PTPRK: variants seen among roughly 807,000 people sequenced by gnomAD.
PTPRK encodes the protein receptor-type tyrosine-protein phosphatase kappa.
Under a neutral mutation model 178.0 loss-of-function variants are expected in PTPRK, and 75 were observed. The observed-to-expected ratio is 0.42, with a 90% CI of 0.35 to 0.51. The LOEUF (loss-of-function observed/expected upper bound fraction) is 0.51. Ranked by LOEUF, PTPRK falls within the 20% of genes least tolerant of loss-of-function variation. The probability of loss-of-function intolerance (pLI) is 0.02; values close to 1 mark genes in which losing one functional copy is unlikely to be tolerated. For missense variants in PTPRK, 1,441 were observed against 1,797.8 expected (o/e 0.80, Z 3.59); for synonymous variants, 637 against 620.6 (o/e 1.03, Z -0.39).
intron 14 of PTPRK, among the ~76,000 whole-genome samples, chr6:128,005,606 T>A (rs1326753596): frequency 8.1e-5 from 2 of 24,688 alleles, no homozygotes; most frequent in East Asian, 2.5e-3. Flanking sequence ...TTGATACTCC[T>A]GGGTAATTAA....
intron 22 of PTPRK, among the ~76,000 whole-genome samples, chr6:127,983,776 G>A (rs1478898769): frequency 2.0e-5 from 3 of 151,948 alleles, no homozygotes; most frequent in Non-Finnish European, 4.4e-5. Flanking sequence ...GTGTCCTCTG[G>A]CAACAATGTG....
At chr6:128,378,374 G>T (rs1249168346) in intron 2 of PTPRK, among the ~76,000 whole-genome samples, 1 of 151,942 alleles carries the variant, frequency 6.6e-6, no homozygotes, top group Non-Finnish European at 1.5e-5. Context: ...AATATACACA[G>T]ACACACACAG....
intron 7 of PTPRK, among the ~76,000 whole-genome samples, chr6:128,150,560 C>T (rs895553943): frequency 3.9e-5 from 6 of 152,126 alleles, no homozygotes; most frequent in South Asian, 2.1e-4. Flanking sequence ...CCAAATGTTA[C>T]GCCTTCTGTC....
At chr6:128,091,927 C>T (rs1787032445) in intron 7 of PTPRK, among the ~76,000 whole-genome samples, 2 of 152,108 alleles carry the variant, frequency 1.3e-5, no homozygotes, top group African/African-American at 4.8e-5. Context: ...GCTCTGCATC[C>T]TCAATTCTTA....
intron 2 of PTPRK, among the ~76,000 whole-genome samples, chr6:128,362,005 G>A (rs976131110): frequency 6.6e-6 from 1 of 152,148 alleles, no homozygotes; most frequent in African/African-American, 2.4e-5. Context: ...GTATCTTAGA[G>A]CACAAAAGGG....
chr6:127,987,961 T>G (rs929018148), intron 21 of PTPRK, among the ~76,000 whole-genome samples: 7 of 152,168 alleles, frequency 4.6e-5, no homozygotes, highest in Non-Finnish European at 8.8e-5. Flanking sequence ...TGCATTAATC[T>G]ATTAAAGTCA....
At chr6:128,317,609 T>C (rs1828191750) in intron 3 of PTPRK, among the ~76,000 whole-genome samples, 3 of 152,178 alleles carry the variant, frequency 2.0e-5, no homozygotes, top group Admixed American at 1.3e-4. Context: ...AGGAGAATAG[T>C]CATCTAAAAA....
intron 13 of PTPRK, among the ~76,000 whole-genome samples, chr6:128,036,493 A>G (rs1389383843): frequency 3.3e-5 from 5 of 152,250 alleles, no homozygotes; most frequent in Admixed American, 1.3e-4. Flanking sequence ...AAAGGCAAAA[A>G]AAGGAACATG....
intron 3 of PTPRK, among the ~76,000 whole-genome samples, chr6:128,298,774 G>A (rs1417767937): frequency 6.6e-6 from 1 of 152,012 alleles, no homozygotes; most frequent in Non-Finnish European, 1.5e-5. Flanking sequence ...TACTGAATGG[G>A]CAAAAACTGG....
chr6:128,153,808 G>A (rs151259755), intron 7 of PTPRK, among the ~76,000 whole-genome samples: 220 of 151,898 alleles, frequency 1.4e-3, no homozygotes, highest in Non-Finnish European at 2.5e-3. Flanking sequence ...TGGAAAATTC[G>A]TTCATTCAAT....
intron 3 of PTPRK, among the ~76,000 whole-genome samples, chr6:128,280,511 A>G (rs2128302138): frequency 6.6e-6 from 1 of 152,364 alleles, no homozygotes; most frequent in South Asian, 2.1e-4. Flanking sequence ...TTCAGAAAGC[A>G]ACTTAACAAT....
chr6:128,250,812 C>T (rs1816344100), intron 3 of PTPRK, among the ~76,000 whole-genome samples: 1 of 152,142 alleles, frequency 6.6e-6, no homozygotes. Context: ...ATTCTATTTT[C>T]ATCCATACAT....
chr6:128,003,145 C>G lies in PTPRK; in HGVS notation c.2494+1939G>C, dbSNP rs939381758. On this transcript the variant is annotated intron_variant, in intron 15 of 29. Transcript: ENST00000368226. ...TAATCTCTATGTGGGCAAACCCATG[C>G]AAGGAGGTGTGATCCATGCAATGAA... 1.2e-5 allele frequency: 19 copies of G among 1,535,328 alleles called. No homozygotes were observed. The African/African-American group carries it at 2.5e-4, about 20-fold the overall frequency.
chr6:128,386,351 A>G (rs918782583), intron 2 of PTPRK, among the ~76,000 whole-genome samples: 2 of 152,186 alleles, frequency 1.3e-5, no homozygotes, highest in African/African-American at 2.4e-5. Context: ...TCATATGTGG[A>G]AACAATCGAT....
chr6:128,206,132 A>G (rs1806916168), intron 6 of PTPRK, among the ~76,000 whole-genome samples: 1 of 152,050 alleles, frequency 6.6e-6, no homozygotes. Context: ...TATTAGCAAT[A>G]AATCCAATAA....
At chr6:128,074,079 C>A (rs1476356144) in intron 11 of PTPRK, among the ~76,000 whole-genome samples, 4 of 151,988 alleles carry the variant, frequency 2.6e-5, no homozygotes, top group African/African-American at 4.8e-5. Flanking sequence ...CAGACAATTT[C>A]TTTTCCTAAT....
chr6:128,415,614 C>G (rs756311129), intron 1 of PTPRK, among the ~76,000 whole-genome samples: 1 of 152,066 alleles, frequency 6.6e-6, no homozygotes, highest in African/African-American at 2.4e-5. Flanking sequence ...TCAGAGAGAA[C>G]AGGCTGGAGC....
chr6:128,154,692 A>T (rs1415787346), intron 7 of PTPRK, among the ~76,000 whole-genome samples: 3 of 151,806 alleles, frequency 2.0e-5, no homozygotes, highest in African/African-American at 7.2e-5. Context: ...AAATGCAATT[A>T]CAGATAATTT....
At chr6:128,190,775 A>T (rs899659827) in intron 6 of PTPRK, among the ~76,000 whole-genome samples, 1 of 152,162 alleles carries the variant, frequency 6.6e-6, no homozygotes, top group Non-Finnish European at 1.5e-5. Context: ...CTGGGATTAC[A>T]GTTGTGAGCC....
Sources: gnomAD v4.1 joint callset for allele counts (sites outside exome capture counted in the v4.1 genomes callset) on GRCh38, gnomAD v4.1.1 for gene constraint, MANE v1.5 for transcripts, NCBI Gene and HGNC (gene_info 2026-07-23, HGNC 2026-07-21) for gene names.